Variants in ZNF503 observed in about 807,000 individuals in gnomAD.
ZNF503 encodes zinc finger protein 503.
A neutral mutation model predicts 34.4 loss-of-function variants in ZNF503; 15 were observed. The observed-to-expected ratio is 0.44, with a 90% CI of 0.29 to 0.67. ZNF503 has a LOEUF of 0.67. Among genes scored for constraint, ZNF503 ranks in the 30% least tolerant of loss-of-function variants. The pLI is 0.13. For synonymous variants in ZNF503, 580 were observed against 456.8 expected (o/e 1.27, Z -3.44); for missense variants, 1,007 against 926.8 (o/e 1.09, Z -1.12).
the ZNF503 span, among the ~76,000 whole-genome samples, chr10:75,375,323 G>A: frequency 5.9e-5 from 9 of 151,686 alleles, no homozygotes; most frequent in East Asian, 3.9e-4. Context: ...GGGTTTCACC[G>A]TGTTAGCCAG....
chr10:75,395,683 C>T (rs2131983633), downstream of ZNF503, among the ~76,000 whole-genome samples: 1 of 152,320 alleles, frequency 6.6e-6, no homozygotes, highest in Non-Finnish European at 1.5e-5. This position sits in a 1 kb window ranked among gnomAD's most constrained non-coding sequence, Gnocchi z 4.4. Context: ...ACTTACCGCG[C>T]GCCCGGGGTG....
the ZNF503 span, among the ~76,000 whole-genome samples, chr10:75,337,663 G>A: frequency 6.6e-6 from 1 of 152,036 alleles, no homozygotes; most frequent in African/African-American, 2.4e-5. Context: ...ATTAGTGTTT[G>A]GTTGAATAAC....
chr10:75,311,030 T>C, the ZNF503 span, among the ~76,000 whole-genome samples: 1 of 152,110 alleles, frequency 6.6e-6, no homozygotes, highest in Non-Finnish European at 1.5e-5. Context: ...ACTAATAGGA[T>C]AGATGTATAT....
chr10:75,319,746 C>T, the ZNF503 span, among the ~76,000 whole-genome samples: 5 of 152,108 alleles, frequency 3.3e-5, no homozygotes, highest in Non-Finnish European at 7.4e-5. Context: ...TACAAAAACT[C>T]CTTTCAAATA....
chr10:75,305,169 A>G, the ZNF503 span, among the ~76,000 whole-genome samples: 1 of 152,122 alleles, frequency 6.6e-6, no homozygotes, highest in Non-Finnish European at 1.5e-5. Flanking sequence ...CTTTCCCTAA[A>G]GGTAGCGAAT....
downstream of ZNF503, among the ~76,000 whole-genome samples, chr10:75,396,401 C>T (rs952042888): frequency 2.6e-5 from 4 of 152,168 alleles, no homozygotes; most frequent in African/African-American, 7.2e-5. This position sits in a 1 kb window ranked among gnomAD's most constrained non-coding sequence, Gnocchi z 4.4. Flanking sequence ...TTCCAGGAGG[C>T]GGCCCGCGCG....
chr10:75,295,879 G>T, the ZNF503 span, among the ~76,000 whole-genome samples: 3 of 152,144 alleles, frequency 2.0e-5, no homozygotes, highest in Admixed American at 1.3e-4. The surrounding 1 kb of genome is among the most constrained non-coding windows in gnomAD (Gnocchi z 4.0). Flanking sequence ...CACATGGAAG[G>T]GGGGAGAGAG....
Position 75,399,348 on chromosome 10 carries a change from T to C in ZNF503, c.1342A>G (p.Ser448Gly). 1.2e-6 allele frequency: 2 copies of C among 1,604,702 alleles called. No homozygotes were observed. The highest frequency in any genetic ancestry group is 1.7e-6 in the Non-Finnish European group (2 of 1,177,774). Reference protein sequence around the residue: ...ASHLAGAAAASASCAHDPAAA... With the variant: ...ASHLAGAAAAGASCAHDPAAA... ...GCCGGATCATGTGCGCAAGAAGCGC[T>C]GGCGGCCGCCGCCCCTGCCAGGTGG... is the stretch of plus-strand genomic sequence containing the variant. Residue 448 changes from serine to glycine, a missense_variant, in exon 2 of 2, where the codon AGC becomes GGC. Physicochemically the swap from Ser to Gly is moderately conservative, Grantham distance 56 (BLOSUM62 0). Transcript: ENST00000372524.
chr10:75,301,896 G>A, the ZNF503 span, among the ~76,000 whole-genome samples: 10 of 151,970 alleles, frequency 6.6e-5, no homozygotes, highest in Non-Finnish European at 1.5e-5. Flanking sequence ...GAAGCTAAGA[G>A]AAGAAGTAAG....
the ZNF503 span, among the ~76,000 whole-genome samples, chr10:75,316,388 A>C: frequency 2.0e-5 from 3 of 146,926 alleles, no homozygotes; most frequent in Non-Finnish European, 3.0e-5. Context: ...AGACAGTCTC[A>C]CTCTGTCACC....
chr10:75,356,510 C>T, the ZNF503 span, among the ~76,000 whole-genome samples: 13 of 152,254 alleles, frequency 8.5e-5, no homozygotes, highest in Non-Finnish European at 1.5e-5. Context: ...CCACCGCCCC[C>T]AGCCTACAGT....
At chr10:75,347,157 A>G in the ZNF503 span, among the ~76,000 whole-genome samples, 2 of 152,246 alleles carry the variant, frequency 1.3e-5, no homozygotes, top group African/African-American at 4.8e-5. Context: ...AGTAAGCTCC[A>G]TGTAAGTGTT....
In ZNF503 at chr10:75,399,812, T is replaced by G; in HGVS notation, c.878A>C (p.Asp293Ala). 1 of 1,602,936 alleles carries G rather than the reference T, an allele frequency of 6.2e-7. No individual in the cohort carries two copies. The highest frequency in any genetic ancestry group is 8.5e-7 in the Non-Finnish European group (1 of 1,176,692). Reference sequence around the variant, plus strand: ...GCCCCCATCCGGATGCTGGTTCACATCCACATTAATCCCGCCGCCGCAGCT... The same window carrying G: ...GCCCCCATCCGGATGCTGGTTCACAGCCACATTAATCCCGCCGCCGCAGCT... ...RISCGGGINV[D>A]VNQHPDGGPG... Residue 293 changes from aspartate (D) to alanine (A), a missense_variant, in exon 2 of 2, where the codon GAT (aspartate) becomes GCT (alanine). Physicochemically the swap from Asp to Ala is moderately radical, Grantham distance 126 (BLOSUM62 -2). Transcript: ENST00000372524.
the ZNF503 span, among the ~76,000 whole-genome samples, chr10:75,332,447 T>C: frequency 1.8e-4 from 27 of 149,644 alleles, no homozygotes; most frequent in Admixed American, 8.0e-4. Context: ...TCAGTTATTG[T>C]GTTTTTCAGT....
At chr10:75,338,813 C>T in the ZNF503 span, among the ~76,000 whole-genome samples, 4 of 152,226 alleles carry the variant, frequency 2.6e-5, no homozygotes, top group Non-Finnish European at 5.9e-5. Context: ...TGGGCACCAG[C>T]GGTGTGCCCT....
the ZNF503 span, among the ~76,000 whole-genome samples, chr10:75,362,431 G>A: frequency 0.011 from 1,688 of 152,150 alleles, 29 homozygotes; most frequent in African/African-American, 0.036. Flanking sequence ...AAGTCCCACC[G>A]TGACTGCCAC....
chr10:75,401,812 A>G, upstream of ZNF503: 1 of 217,846 alleles, frequency 4.6e-6, no homozygotes, highest in South Asian at 7.1e-5. Flanking sequence ...GGGAGATTAA[A>G]GCCTTTGCCG....
At chr10:75,321,569 T>C in the ZNF503 span, among the ~76,000 whole-genome samples, 9 of 152,212 alleles carry the variant, frequency 5.9e-5, no homozygotes, top group African/African-American at 1.7e-4. Context: ...AGGTCTCATA[T>C]GGAAATAAGG....
the ZNF503 span, among the ~76,000 whole-genome samples, chr10:75,379,635 C>A: frequency 1.3e-5 from 2 of 152,174 alleles, no homozygotes; most frequent in East Asian, 1.9e-4. Context: ...TTAGGCGGAT[C>A]TTCAGGAACA....
Sources: gnomAD v4.1 joint callset for allele counts (sites outside exome capture counted in the v4.1 genomes callset) on GRCh38, gnomAD v4.1.1 for gene constraint, Gnocchi (gnomAD v3.1) non-coding constraint, MANE v1.5 for transcripts, NCBI Gene and HGNC (gene_info 2026-07-23, HGNC 2026-07-21) for gene names.